The following SEMA6A variants were observed in gnomAD, a reference collection of about 807,000 sequenced individuals.
The protein encoded by SEMA6A is semaphorin 6A, also known as semaphorin-6A.
Under a neutral mutation model 96.8 loss-of-function variants are expected in SEMA6A, and 25 were observed. The ratio of observed to expected loss-of-function variants is 0.26; its 90% CI spans 0.19 to 0.36. SEMA6A has a LOEUF of 0.36. Ranked by LOEUF, SEMA6A falls within the 10% of genes least tolerant of loss-of-function variation. The pLI is 1.00. For synonymous variants in SEMA6A, 612 were observed against 518.0 expected (o/e 1.18, Z -2.46); for missense variants, 1,363 against 1,323.1 (o/e 1.03, Z -0.47).
intron 1 of SEMA6A, among the ~76,000 whole-genome samples, chr5:116,513,093 G>A (rs1032140252): frequency 1.3e-5 from 2 of 152,032 alleles, no homozygotes; most frequent in South Asian, 2.1e-4. Flanking sequence ...AATCACATCA[G>A]GGTAAATGGG....
At chr5:116,483,412 A>C (rs1158041193) in intron 10 of SEMA6A, among the ~76,000 whole-genome samples, 19 of 152,170 alleles carry the variant, frequency 1.2e-4, no homozygotes, top group Admixed American at 1.2e-3. Flanking sequence ...AAGAGTTTTA[A>C]TCAGGCTTTG....
chr5:116,457,772 C>T (rs767978308), intron 18 of SEMA6A, among the ~76,000 whole-genome samples: 9 of 152,108 alleles, frequency 5.9e-5, no homozygotes, highest in Non-Finnish European at 1.0e-4. Flanking sequence ...AAGAGATTTA[C>T]ATATGATGAG....
chr5:116,451,097 G>A (rs1354540312), intron 18 of SEMA6A, among the ~76,000 whole-genome samples: 1 of 152,120 alleles, frequency 6.6e-6, no homozygotes, highest in Non-Finnish European at 1.5e-5. Flanking sequence ...GTGACCTTTT[G>A]GCAAGTGACT....
intron 18 of SEMA6A, among the ~76,000 whole-genome samples, chr5:116,453,718 C>T (rs1754798131): frequency 6.6e-6 from 1 of 152,198 alleles, no homozygotes. Context: ...TCGCAAAACT[C>T]TTGGCTTCAA....
chr5:116,523,829 A>G (rs1759081896), intron 1 of SEMA6A, among the ~76,000 whole-genome samples: 1 of 152,192 alleles, frequency 6.6e-6, no homozygotes, highest in East Asian at 1.9e-4. Flanking sequence ...GAGTAGACAA[A>G]TATCGGAGCC....
At chr5:116,473,218 C>A in intron 16 of SEMA6A, 125 bp from the exon 17 acceptor site, 1 of 883,498 alleles carries the variant, frequency 1.1e-6, no homozygotes, top group Non-Finnish European at 1.8e-6. Context: ...TAAGTAAGTG[C>A]TTTTTAATTT....
intron 1 of SEMA6A, among the ~76,000 whole-genome samples, chr5:116,519,215 G>A (rs1435227978): frequency 1.3e-5 from 2 of 152,152 alleles, no homozygotes; most frequent in Non-Finnish European, 2.9e-5. Context: ...TTGGAAGTAA[G>A]GGAGCTAAGG....
intron 18 of SEMA6A, among the ~76,000 whole-genome samples, chr5:116,452,761 G>C (rs141839964): frequency 2.6e-5 from 4 of 152,202 alleles, no homozygotes; most frequent in Non-Finnish European, 5.9e-5. Context: ...ATTTGCTTTA[G>C]AAATGATGTT....
rs138410218 is a variant in SEMA6A, at chr5:116,496,150, G to T, written c.342+101C>A. 69 of 1,021,150 alleles carry T rather than the reference G, an allele frequency of 6.8e-5. No homozygotes were observed. In the African/African-American group the frequency reaches 9.7e-4, roughly 14 times the overall value. 63.3% of individuals were successfully genotyped at this position (1,021,150 alleles called of 1,614,324 possible). On this transcript the variant is annotated intron_variant, in intron 5 of 18. Coordinates refer to ENST00000343348, the MANE Select transcript of SEMA6A (RefSeq NM_020796.5). ...AAAAAAGCAATTACTGAGGGAAAAAGGAAAAAGCACAATCCATTCTACATC... is the reference window on the plus strand; with the variant it reads ...AAAAAAGCAATTACTGAGGGAAAAATGAAAAAGCACAATCCATTCTACATC...
intron 1 of SEMA6A, among the ~76,000 whole-genome samples, chr5:116,551,539 C>A (rs1032199385): frequency 7.9e-5 from 12 of 152,174 alleles, no homozygotes; most frequent in African/African-American, 2.4e-4. Context: ...TATTACTACT[C>A]CATCTTACAA....
At chr5:116,536,888 AAAAAAAGC>A (rs1759739668) in intron 1 of SEMA6A, among the ~76,000 whole-genome samples, 1 of 147,226 alleles carries the variant, frequency 6.8e-6, no homozygotes, top group Admixed American at 6.7e-5. Context: ...AAAAAAAAAA[AAAAAAAGC>A]AAAACTGGTG....
intron 1 of SEMA6A, among the ~76,000 whole-genome samples, chr5:116,509,194 TTAA>T (rs1263987177): frequency 2.0e-5 from 3 of 152,210 alleles, no homozygotes; most frequent in Non-Finnish European, 4.4e-5. Context: ...AAGGAACATT[TTAA>T]TAATAAGTGA....
In SEMA6A at chr5:116,447,063, A is replaced by G. The variant is rs1754264874; in HGVS notation, c.2643T>C (p.Val881=). 2 of 1,613,418 alleles carry G rather than the reference A, an allele frequency of 1.2e-6. No individual in the cohort carries two copies. The highest frequency in any genetic ancestry group is 1.7e-6 in the Non-Finnish European group (2 of 1,179,738). Residue 881 remains valine, a synonymous_variant, in exon 19 of 19, where the codon GTT becomes GTC. Transcript: ENST00000343348. Reference sequence around the variant, plus strand: ...GACCCAGGGAGGCCTCCCGCTGTGGAACTTTGGGGGGCAGGCTGTCCAGGT... The same window carrying G: ...GACCCAGGGAGGCCTCCCGCTGTGGGACTTTGGGGGGCAGGCTGTCCAGGT... ...VENLDSLPPK[V]PQREASLGPP...
intron 2 of SEMA6A, among the ~76,000 whole-genome samples, chr5:116,502,980 T>C (rs781361765): frequency 3.1e-4 from 47 of 152,214 alleles, no homozygotes; most frequent in Non-Finnish European, 5.4e-4. Context: ...GTGTAGCCAG[T>C]CAGGTGATCT....
At chr5:116,511,712 A>T (rs796690347) in intron 1 of SEMA6A, among the ~76,000 whole-genome samples, 24 of 152,336 alleles carry the variant, frequency 1.6e-4, no homozygotes, top group African/African-American at 5.8e-4. Flanking sequence ...CTGTGATTGC[A>T]GCCTTAAGGT....
intron 1 of SEMA6A, among the ~76,000 whole-genome samples, chr5:116,537,022 T>C (rs1759746713): frequency 1.3e-5 from 2 of 152,126 alleles, no homozygotes. Context: ...GAATAGGCGT[T>C]CCTTTAAACC....
chr5:116,455,752 T>G (rs1280234659), intron 18 of SEMA6A, among the ~76,000 whole-genome samples: 3 of 152,200 alleles, frequency 2.0e-5, no homozygotes, highest in Admixed American at 1.3e-4. Flanking sequence ...TCTTGAGATC[T>G]GGGTTAAAGA....
intron 1 of SEMA6A, among the ~76,000 whole-genome samples, chr5:116,529,125 A>C (rs992752337): frequency 2.0e-5 from 3 of 152,198 alleles, no homozygotes; most frequent in African/African-American, 7.2e-5. Context: ...GCCAGTGTGA[A>C]TAAAGAGTCT....
rs749392789 is a variant in SEMA6A, at chr5:116,480,262, A to T, written c.1110T>A (p.Ala370=). 6.2e-7 allele frequency: 1 copy of T among 1,613,818 alleles called. No homozygotes were observed. Among genetic ancestry groups the T allele is most frequent in the Non-Finnish European group, 8.5e-7 (1 of 1,179,734 alleles). The change falls in exon 12 of 19, where the codon GCT becomes GCA. Residue 370 remains alanine, a synonymous_variant. Transcript: ENST00000343348. ...CATATCTTTCTAAGGAGGATGAGCCAGCACAGCAACCTGGCCTAAAATGAA... is the reference window on the plus strand; with the variant it reads ...CATATCTTTCTAAGGAGGATGAGCCTGCACAGCAACCTGGCCTAAAATGAA... ...RVPKPRPGCC[A]GSSSLERYAT...
Sources: allele counts gnomAD v4.1 joint callset (sites outside exome capture counted in the v4.1 genomes callset), GRCh38; gene constraint gnomAD v4.1.1; transcripts MANE v1.5; gene names NCBI Gene and HGNC (gene_info 2026-07-23, HGNC 2026-07-21).